Variants in SLC30A7 observed in about 807,000 individuals in gnomAD.
SLC30A7 encodes the protein solute carrier family 30 member 7.
A neutral mutation model predicts 46.0 loss-of-function variants in SLC30A7; 35 were observed. The observed-to-expected ratio is 0.76, with a 90% CI of 0.58 to 1.01. The LOEUF (loss-of-function observed/expected upper bound fraction) is 1.01, where lower values mean the gene tolerates loss of function less well. SLC30A7 is among the 50% of genes least tolerant of loss of function. The pLI is 0.00. For missense variants in SLC30A7, 464 were observed against 451.1 expected (o/e 1.03, Z -0.26); for synonymous variants, 147 against 157.8 (o/e 0.93, Z 0.51).
At chr1:100,903,495 T>TA (rs1255378098) in intron 2 of SLC30A7, among the ~76,000 whole-genome samples, 1 of 152,160 alleles carries the variant, frequency 6.6e-6, no homozygotes, top group African/African-American at 2.4e-5. Flanking sequence ...GCATGAATAA[T>TA]ATGCCCCTTA....
chr1:100,991,883 G>T, the SLC30A7 span, among the ~76,000 whole-genome samples: 1 of 151,698 alleles, frequency 6.6e-6, no homozygotes, highest in Non-Finnish European at 1.5e-5. Context: ...GAGGTGGGAG[G>T]ATTGCTTGAG....
Position 100,916,704 on chromosome 1 carries a change from CTTTTTTTTT to C in SLC30A7, c.656-1359_656-1351del, listed in dbSNP as rs33980397. On this transcript the variant is annotated intron_variant, in intron 6 of 10. Transcript: ENST00000357650. ...AAATAGTAAATCTTATTCATTCATTCTTTTTTTTTTTTTTTTTTTTTTGTACCCATTAAC... is the reference window on the plus strand; with the variant it reads ...AAATAGTAAATCTTATTCATTCATTCTTTTTTTTTTTTTGTACCCATTAAC... Among the ~76,000 whole-genome samples, 774 of 92,414 alleles carry C rather than the reference CTTTTTTTTT, an allele frequency of 8.4e-3. 6 individuals are homozygous for C. Among genetic ancestry groups the C allele is most frequent in the African/African-American group, 0.031 (734 of 24,038 alleles). The allele number at this position is 92,414 out of a possible 152,430, so 60.6% of individuals were successfully genotyped here.
chr1:100,973,558 A>G (rs908949572), intron 10 of SLC30A7, among the ~76,000 whole-genome samples: 9 of 152,172 alleles, frequency 5.9e-5, no homozygotes, highest in Non-Finnish European at 1.0e-4. Context: ...ATTATATTAT[A>G]GTGAGAGGTC....
At position 100,979,287 on chromosome 1, in the gene SLC30A7, G is replaced by GT. The variant is rs967325685; in HGVS notation, c.*4431dup. ...TATTTTCCAATTCATAAGAACTTTG[G>GT]TAAAAAAAAAAATAAAAGGAAATTA... On this transcript the variant is annotated 3_prime_UTR_variant, in exon 11 of 11. Coordinates refer to ENST00000357650, the MANE Select transcript of SLC30A7 (RefSeq NM_133496.5). 1.3e-5 allele frequency: 2 copies of GT among 149,208 alleles called. No individual in the cohort carries two copies. Among genetic ancestry groups the GT allele is most frequent in the Non-Finnish European group, 3.0e-5 (2 of 67,362 alleles). The allele number at this position is 149,208 out of a possible 1,614,324, so 9.2% of individuals were successfully genotyped here. A position where few individuals can be genotyped will look rare whatever the true frequency, so the allele number is the denominator to read the frequency against.
chr1:100,918,446 A>G (rs891551043), intron 7 of SLC30A7, among the ~76,000 whole-genome samples: 3 of 152,184 alleles, frequency 2.0e-5, no homozygotes, highest in Non-Finnish European at 2.9e-5. Flanking sequence ...CCTGGGGAAC[A>G]TATGAGACTC....
At chr1:100,902,815 T>C (rs1456656124) in intron 2 of SLC30A7, among the ~76,000 whole-genome samples, 3 of 152,182 alleles carry the variant, frequency 2.0e-5, no homozygotes, top group African/African-American at 7.2e-5. Context: ...TATTAACTAA[T>C]TATATCTGCA....
At chr1:100,995,384 T>C in the SLC30A7 span, 3 of 397,520 alleles carry the variant, frequency 7.5e-6, no homozygotes, top group Non-Finnish European at 1.4e-5. Context: ...TAATTTCCTT[T>C]TGGAAAAGAA....
the SLC30A7 span, among the ~76,000 whole-genome samples, chr1:100,994,254 T>C: frequency 6.6e-6 from 1 of 152,190 alleles, no homozygotes; most frequent in South Asian, 2.1e-4. Context: ...ACAGTTGATT[T>C]ATATACTAAA....
chr1:100,907,622 G>A (rs1043848607), intron 3 of SLC30A7, among the ~76,000 whole-genome samples: 3 of 152,064 alleles, frequency 2.0e-5, no homozygotes, highest in Non-Finnish European at 4.4e-5. Context: ...TGCATACTCT[G>A]TTTCTTTCTC....
downstream of SLC30A7, among the ~76,000 whole-genome samples, chr1:100,983,965 G>A (rs1384821139): frequency 2.6e-5 from 4 of 152,186 alleles, no homozygotes; most frequent in East Asian, 3.8e-4. Flanking sequence ...TCCTGTATGT[G>A]CATCATACTA....
At chr1:100,922,840 T>C (rs186804565) in intron 8 of SLC30A7, among the ~76,000 whole-genome samples, 124 of 152,260 alleles carry the variant, frequency 8.1e-4, no homozygotes, top group African/African-American at 2.9e-3. Flanking sequence ...TTATGTTCCA[T>C]TTTAAAGTTA....
intron 4 of SLC30A7, 119 bp downstream of exon 4, chr1:100,911,269 T>C (rs933730990): frequency 1.5e-6 from 1 of 662,784 alleles, no homozygotes; most frequent in African/African-American, 1.8e-5. Context: ...AATCTTAGAT[T>C]AGATATGTGC....
chr1:100,983,396 C>CAAAAAAAAAAAA (rs760912885), downstream of SLC30A7, among the ~76,000 whole-genome samples: 1 of 116,980 alleles, frequency 8.5e-6, no homozygotes, highest in Admixed American at 8.6e-5. Context: ...AAAAACAAAA[C>CAAAAAAAAAAAA]AAAACAAAAC....
chr1:100,972,243 A>G (rs1460524194), intron 10 of SLC30A7: 3 of 313,922 alleles, frequency 9.6e-6, no homozygotes, highest in Admixed American at 4.6e-5. Flanking sequence ...GTGACTTACC[A>G]TAGGATTCTT....
chr1:100,959,171 C>T (rs1655402147), intron 8 of SLC30A7, among the ~76,000 whole-genome samples: 1 of 152,124 alleles, frequency 6.6e-6, no homozygotes, highest in Non-Finnish European at 1.5e-5. Flanking sequence ...CAAAAATATA[C>T]TGTGTTAAAG....
chr1:100,983,070 C>G (rs1182455525), downstream of SLC30A7, among the ~76,000 whole-genome samples: 3 of 152,292 alleles, frequency 2.0e-5, no homozygotes, highest in East Asian at 5.8e-4. Flanking sequence ...ACTTGCAGTC[C>G]TCTAGCTCAG....
intron 8 of SLC30A7, chr1:100,941,857 C>T: frequency 2.0e-6 from 1 of 490,446 alleles, no homozygotes; most frequent in Non-Finnish European, 3.9e-6. Context: ...TCTCCCATTA[C>T]CACACACTCT....
intron 8 of SLC30A7, chr1:100,941,963 A>G (rs11581062): frequency 0.28 from 74,943 of 271,428 alleles, 10,848 homozygotes; most frequent in African/African-American, 0.31. Flanking sequence ...TTCCACAGCC[A>G]TTCGGGCTCT....
At chr1:100,965,662 TA>T in intron 9 of SLC30A7, 106 bp from the exon 10 acceptor site, 1 of 921,872 alleles carries the variant, frequency 1.1e-6, no homozygotes, top group Non-Finnish European at 1.7e-6. Flanking sequence ...TTCCTTTTTT[TA>T]AAATGGACGA....
Sources: gnomAD v4.1 joint callset for allele counts (sites outside exome capture counted in the v4.1 genomes callset) on GRCh38, gnomAD v4.1.1 for gene constraint, MANE v1.5 for transcripts, NCBI Gene and HGNC (gene_info 2026-07-23, HGNC 2026-07-21) for gene names.